CLNK: variants seen among roughly 807,000 people sequenced by gnomAD.
CLNK encodes the protein cytokine dependent hematopoietic cell linker, also known as cytokine-dependent hematopoietic cell linker.
CLNK carries 74 observed loss-of-function variants against 68.6 expected under a neutral mutation model. That is an observed-to-expected ratio of 1.08 (90% CI 0.89 to 1.31). CLNK has a LOEUF of 1.31. Among genes scored for constraint, CLNK ranks in the 50% most tolerant of loss-of-function variants. The pLI is 0.00. For synonymous variants in CLNK, 198 were observed against 172.2 expected, an observed-to-expected ratio of 1.15 and a Z score of -1.17; for missense variants, 553 against 515.3, an observed-to-expected ratio of 1.07 and a Z score of -0.71.
the CLNK span, among the ~76,000 whole-genome samples, chr4:10,694,090 C>T: frequency 6.6e-6 from 1 of 151,904 alleles, no homozygotes; most frequent in Non-Finnish European, 1.5e-5. Context: ...GCGAGGAAAC[C>T]ATTCCTAGGC....
At chr4:10,680,316 A>G (rs1179507257) in intron 1 of CLNK, among the ~76,000 whole-genome samples, 2 of 140,176 alleles carry the variant, frequency 1.4e-5, no homozygotes, top group Non-Finnish European at 3.0e-5. Context: ...GAATTGAAGA[A>G]TGAGAACACA....
At chr4:10,655,334 C>G (rs9685002) in intron 2 of CLNK, among the ~76,000 whole-genome samples, 5,647 of 135,328 alleles carry the variant, frequency 0.042, 428 homozygotes, top group African/African-American at 0.14. Flanking sequence ...CCCCCAAAGA[C>G]AGAGAGAGAG....
chr4:10,502,062 C>T (rs1455701320), intron 17 of CLNK, among the ~76,000 whole-genome samples: 1 of 152,262 alleles, frequency 6.6e-6, no homozygotes, highest in Non-Finnish European at 1.5e-5. Flanking sequence ...CTGCCTCTGG[C>T]TCCTGGCTCC....
At chr4:10,551,738 G>A (rs1719468673) in intron 8 of CLNK, among the ~76,000 whole-genome samples, 1 of 152,128 alleles carries the variant, frequency 6.6e-6, no homozygotes, top group Non-Finnish European at 1.5e-5. Flanking sequence ...CCCTAGTGTT[G>A]AGCACATAGG....
At chr4:10,499,910 C>T (rs990877790) in intron 18 of CLNK, among the ~76,000 whole-genome samples, 6 of 152,132 alleles carry the variant, frequency 3.9e-5, no homozygotes, top group African/African-American at 1.2e-4. Context: ...ATCCCAATAA[C>T]CTTGTTTAAC....
At chr4:10,618,247 A>T (rs554965196) in intron 2 of CLNK, among the ~76,000 whole-genome samples, 4 of 152,334 alleles carry the variant, frequency 2.6e-5, no homozygotes, top group Non-Finnish European at 5.9e-5. Flanking sequence ...AAATATCATG[A>T]AAAGTGAAAG....
intron 2 of CLNK, among the ~76,000 whole-genome samples, chr4:10,653,023 A>G (rs979526219): frequency 2.0e-5 from 3 of 152,212 alleles, no homozygotes; most frequent in South Asian, 2.1e-4. Context: ...AAAAAGGATG[A>G]GTTCATATCC....
At chr4:10,566,782 G>C (rs1720132133) in intron 5 of CLNK, among the ~76,000 whole-genome samples, 1 of 152,094 alleles carries the variant, frequency 6.6e-6, no homozygotes, top group African/African-American at 2.4e-5. Flanking sequence ...CTAGGAGTTT[G>C]AGAACAGCCT....
In CLNK at chr4:10,590,450, G is replaced by A. The variant is rs531256113; in HGVS notation, c.84-5495C>T. ...TCTCCAGGGTCAAGCTCCTGGCATG[G>A]AGATGAATCTTTCTTTGCCCCCTTG... On this transcript the variant is annotated intron_variant, in intron 3 of 18. Coordinates refer to ENST00000226951, the MANE Select transcript of CLNK (RefSeq NM_052964.4). 8.7e-4 allele frequency among the ~76,000 whole-genome samples: 132 copies of A among 152,270 alleles called. 2 individuals are homozygous for A. The highest frequency in any genetic ancestry group is 1.4e-3 in the Non-Finnish European group (97 of 68,026).
the CLNK span, among the ~76,000 whole-genome samples, chr4:10,695,448 T>C: frequency 3.9e-5 from 6 of 152,228 alleles, no homozygotes; most frequent in African/African-American, 1.4e-4. Flanking sequence ...AGAAAGCAGC[T>C]GGGTCTGTGC....
intron 2 of CLNK, among the ~76,000 whole-genome samples, chr4:10,611,763 C>G (rs1312048216): frequency 6.6e-6 from 1 of 152,208 alleles, no homozygotes; most frequent in Non-Finnish European, 1.5e-5. Flanking sequence ...CTCTGAGAAT[C>G]TCCAGCACCC....
At chr4:10,641,825 T>A (rs1386471985) in intron 2 of CLNK, among the ~76,000 whole-genome samples, 1 of 151,206 alleles carries the variant, frequency 6.6e-6, no homozygotes, top group African/African-American at 2.5e-5. Flanking sequence ...AATTGAATAA[T>A]GGGGGTGGTT....
intron 8 of CLNK, among the ~76,000 whole-genome samples, chr4:10,547,285 G>T (rs1417769270): frequency 6.6e-6 from 1 of 152,086 alleles, no homozygotes; most frequent in Non-Finnish European, 1.5e-5. Flanking sequence ...CTTAACTGTG[G>T]TGAATCTTTT....
intron 2 of CLNK, among the ~76,000 whole-genome samples, chr4:10,606,661 G>A (rs191754265): frequency 2.6e-5 from 4 of 152,232 alleles, no homozygotes; most frequent in Admixed American, 1.3e-4. Context: ...AGCAGCTGCC[G>A]CATTACTAGG....
At chr4:10,733,855 C>G in the CLNK span, among the ~76,000 whole-genome samples, 4 of 152,360 alleles carry the variant, frequency 2.6e-5, no homozygotes, top group African/African-American at 9.6e-5. Context: ...AGAGAGTTGA[C>G]ATTCCTGCAT....
chr4:10,606,671 G>A (rs1199184619), intron 2 of CLNK, among the ~76,000 whole-genome samples: 1 of 152,170 alleles, frequency 6.6e-6, no homozygotes, highest in Non-Finnish European at 1.5e-5. Context: ...GCATTACTAG[G>A]TGATAGGAAG....
chr4:10,685,697 C>T (rs141872645), upstream of CLNK, among the ~76,000 whole-genome samples: 612 of 152,212 alleles, frequency 4.0e-3, 3 homozygotes, highest in African/African-American at 0.013. Context: ...CCAAGGAAAA[C>T]ATGAAAATAA....
intron 3 of CLNK, among the ~76,000 whole-genome samples, chr4:10,588,296 CCCTGACCTTATCTGGATTTTAG>C (rs1221498169): frequency 3.3e-5 from 5 of 152,298 alleles, no homozygotes; most frequent in African/African-American, 7.2e-5. Context: ...TATCTTCTAA[CCCTGACCTTATCTGGATTTTAG>C]CCTGACCTTA....
intron 2 of CLNK, among the ~76,000 whole-genome samples, chr4:10,630,842 C>T (rs753524642): frequency 1.3e-5 from 2 of 152,208 alleles, no homozygotes; most frequent in African/African-American, 4.8e-5. Context: ...TGATGTCCAT[C>T]TGCTTGTAGC....
Sources: allele counts gnomAD v4.1 joint callset (sites outside exome capture counted in the v4.1 genomes callset), GRCh38; gene constraint gnomAD v4.1.1; transcripts MANE v1.5; gene names NCBI Gene and HGNC (gene_info 2026-07-23, HGNC 2026-07-21).